PTPRN2: variants seen among roughly 807,000 people sequenced by gnomAD.
PTPRN2 encodes the protein receptor-type tyrosine-protein phosphatase N2.
PTPRN2 carries 74 observed loss-of-function variants against 118.8 expected under a neutral mutation model. The ratio of observed to expected loss-of-function variants is 0.62; its 90% confidence interval spans 0.52 to 0.76. The LOEUF is 0.76. Ranked by LOEUF, PTPRN2 falls within the 30% of genes least tolerant of loss-of-function variation. The pLI is 0.00. For synonymous variants in PTPRN2, 641 were observed against 608.0 expected (o/e 1.05, Z -0.80); for missense variants, 1,481 against 1,394.4 (o/e 1.06, Z -0.99).
intron 12 of PTPRN2, among the ~76,000 whole-genome samples, chr7:157,811,853 G>C (rs1329093466): frequency 1.3e-5 from 2 of 152,106 alleles, no homozygotes; most frequent in South Asian, 4.1e-4. Context: ...CAAAGCTGAG[G>C]CTGTTTTATA....
At chr7:158,091,666 ATGGT>A (rs1199509756) in intron 10 of PTPRN2, among the ~76,000 whole-genome samples, 2 of 138,988 alleles carry the variant, frequency 1.4e-5, no homozygotes, top group Admixed American at 7.2e-5. Flanking sequence ...GGGTAGAGAG[ATGGT>A]TGGTTGGGTG....
chr7:158,199,799 G>A (rs563114247), intron 4 of PTPRN2, among the ~76,000 whole-genome samples: 13 of 127,284 alleles, frequency 1.0e-4, no homozygotes, highest in South Asian at 2.5e-4. Flanking sequence ...ATCTGGTGAA[G>A]GGCACAGGCA....
chr7:158,287,445 T>C (rs1041320340), intron 3 of PTPRN2, among the ~76,000 whole-genome samples: 1 of 152,148 alleles, frequency 6.6e-6, no homozygotes. Flanking sequence ...TTTTCTGATG[T>C]AGGCATTTAT....
chr7:158,451,505 T>G lies in PTPRN2; in HGVS notation c.163+38230A>C, dbSNP rs115446539. On this transcript the variant is annotated intron_variant, in intron 2 of 22. Coordinates refer to ENST00000389418, the MANE Select transcript of PTPRN2 (RefSeq NM_002847.5). ...CCTTTCACACCCATGAGCACAGGAG[T>G]TGGTGTCTCCGAAAGAAATTCGGTC... Among the ~76,000 whole-genome samples the G allele has an allele frequency of 7.9e-3, 1,207 of 152,220 alleles. 13 individuals are homozygous for G. The highest frequency in any genetic ancestry group is 0.028 in the African/African-American group (1,157 of 41,512).
At chr7:158,249,101 TCA>T (rs550117180) in intron 3 of PTPRN2, among the ~76,000 whole-genome samples, 47 of 146,806 alleles carry the variant, frequency 3.2e-4, no homozygotes, top group African/African-American at 5.9e-4. Context: ...TATGCACACA[TCA>T]CACACACACA....
At chr7:157,657,955 T>A (rs2071147660) in intron 13 of PTPRN2, among the ~76,000 whole-genome samples, 1 of 59,584 alleles carries the variant, frequency 1.7e-5, no homozygotes. Context: ...ACCACACACA[T>A]ATGTAACAGA....
At chr7:157,613,107 G>T (rs1005688481) in intron 15 of PTPRN2, among the ~76,000 whole-genome samples, 3 of 152,162 alleles carry the variant, frequency 2.0e-5, no homozygotes, top group Non-Finnish European at 4.4e-5. Flanking sequence ...GCATCCGGAG[G>T]GACAGGCCCG....
intron 12 of PTPRN2, among the ~76,000 whole-genome samples, chr7:157,745,858 T>C (rs1800893983): frequency 6.6e-6 from 1 of 152,104 alleles, no homozygotes; most frequent in African/African-American, 2.4e-5. Flanking sequence ...AAGCTCCTTC[T>C]CTGGCTGCAG....
At position 158,499,807 on chromosome 7, in the gene PTPRN2, G is replaced by GTGTATA. The variant is rs763360985; in HGVS notation, c.113-10023_113-10022insTATACA. Among the ~76,000 whole-genome samples the GTGTATA allele has an allele frequency of 1.2e-3, 186 of 148,962 alleles. 2 individuals carry two copies. Among genetic ancestry groups the GTGTATA allele is most frequent in the African/African-American group, 4.5e-3 (183 of 40,290 alleles). On this transcript the variant is annotated intron_variant, in intron 1 of 22. Coordinates refer to ENST00000389418, the MANE Select transcript of PTPRN2 (RefSeq NM_002847.5). ...TGTATGTGTGTGTGTGTGTGTGTGT[G>GTGTATA]TATATATATATATACACACACCCTC...
At chr7:157,678,459 G>A (rs1246802736) in intron 13 of PTPRN2, among the ~76,000 whole-genome samples, 1 of 152,154 alleles carries the variant, frequency 6.6e-6, no homozygotes, top group Non-Finnish European at 1.5e-5. Context: ...ATGAACCAAG[G>A]CGTGACCTGT....
At chr7:157,693,400 G>C (rs1797614350) in intron 12 of PTPRN2, among the ~76,000 whole-genome samples, 1 of 152,104 alleles carries the variant, frequency 6.6e-6, no homozygotes, top group South Asian at 2.1e-4. Context: ...GCGCCCTAGG[G>C]TCTGGCTGCG....
intron 6 of PTPRN2, 71 bp downstream of exon 6, chr7:158,166,860 G>A (rs1226523966): frequency 2.2e-6 from 3 of 1,393,562 alleles, no homozygotes. Context: ...AGAGCATGGT[G>A]CGTCTGTCAC....
chr7:158,100,595 T>A (rs1815154904), intron 10 of PTPRN2, among the ~76,000 whole-genome samples: 1 of 152,234 alleles, frequency 6.6e-6, no homozygotes, highest in African/African-American at 2.4e-5. Context: ...ATATCCAATC[T>A]TGCAGGAGTA....
At chr7:158,455,792 C>G (rs1261298470) in intron 2 of PTPRN2, among the ~76,000 whole-genome samples, 2 of 149,346 alleles carry the variant, frequency 1.3e-5, no homozygotes, top group African/African-American at 2.5e-5. Flanking sequence ...CCACCCATTA[C>G]TCTGCAGAGA....
At chr7:158,036,908 G>A (rs1808122798) in intron 11 of PTPRN2, among the ~76,000 whole-genome samples, 1 of 152,080 alleles carries the variant, frequency 6.6e-6, no homozygotes, top group Non-Finnish European at 1.5e-5. Context: ...GATACTCAAT[G>A]CAATGACAAA....
intron 10 of PTPRN2, among the ~76,000 whole-genome samples, chr7:158,087,699 T>G (rs1385358132): frequency 5.2e-5 from 7 of 134,418 alleles, no homozygotes; most frequent in African/African-American, 1.9e-4. Flanking sequence ...CTTCTTCCCC[T>G]GATGAAGGAG....
intron 12 of PTPRN2, among the ~76,000 whole-genome samples, chr7:157,855,218 C>T (rs1809616574): frequency 6.6e-6 from 1 of 151,666 alleles, no homozygotes; most frequent in Non-Finnish European, 1.5e-5. Context: ...GGGAGGATGG[C>T]TGCACCATTG....
intron 14 of PTPRN2, among the ~76,000 whole-genome samples, chr7:157,638,948 G>T (rs59906022): frequency 0.084 from 12,825 of 152,280 alleles, 945 homozygotes; most frequent in African/African-American, 0.2. Flanking sequence ...CTTACAGAAA[G>T]GTGAGTGTGG....
chr7:158,074,558 T>C (rs1189431367), intron 11 of PTPRN2, among the ~76,000 whole-genome samples: 2 of 152,156 alleles, frequency 1.3e-5, no homozygotes, highest in Non-Finnish European at 1.5e-5. Context: ...CCCAGCCAAC[T>C]AGGGGTGAGC....
Sources: gnomAD v4.1 joint callset for allele counts (sites outside exome capture counted in the v4.1 genomes callset) on GRCh38, gnomAD v4.1.1 for gene constraint, MANE v1.5 for transcripts, NCBI Gene and HGNC (gene_info 2026-07-23, HGNC 2026-07-21) for gene names.